Variants in MRPL48 observed in about 807,000 individuals in gnomAD.
MRPL48 encodes mitochondrial ribosomal protein L48.
In MRPL48, 16 loss-of-function variants were observed where a neutral mutation model predicts 32.9. That is an observed-to-expected ratio of 0.49 (90% CI 0.33 to 0.74). The LOEUF is 0.74. Ranked by LOEUF, MRPL48 falls within the 30% of genes least tolerant of loss-of-function variation. The probability of loss-of-function intolerance (pLI) is 0.02; values close to 1 mark genes in which losing one functional copy is unlikely to be tolerated. For missense variants in MRPL48, 206 were observed against 245.3 expected (o/e 0.84, Z 1.07); for synonymous variants, 94 against 89.2 (o/e 1.05, Z -0.31).
rs373805395 is a variant in MRPL48, at chr11:73,793,431, C to T, written c.21+5439C>T. Among the ~76,000 whole-genome samples the T allele has an allele frequency of 1.7e-4, 26 of 152,276 alleles. No individual in the cohort carries two copies. The South Asian group carries it at 4.6e-3, about 27-fold the overall frequency. On this transcript the variant is annotated intron_variant, in intron 1 of 7. Coordinates refer to ENST00000310614, the MANE Select transcript of MRPL48 (RefSeq NM_016055.6). ...ACTTAACTGACTATGATAAATGCTG[C>T]AAATGAAAGATTCAGGGTGCTATAT...
At chr11:73,852,393 CAAA>C (rs10554131) in intron 5 of MRPL48, among the ~76,000 whole-genome samples, 7,854 of 83,054 alleles carry the variant, frequency 0.095, 161 homozygotes, top group South Asian at 0.14. Flanking sequence ...AACTCTATAG[CAAA>C]AAAAAAAAAA....
intron 6 of MRPL48, among the ~76,000 whole-genome samples, chr11:73,862,867 T>A (rs1352905221): frequency 6.6e-6 from 1 of 151,806 alleles, no homozygotes; most frequent in Non-Finnish European, 1.5e-5. Context: ...TGCGGTGAGC[T>A]ATGATTGTTC....
At chr11:73,847,545 A>G (rs1948316753) in intron 5 of MRPL48, among the ~76,000 whole-genome samples, 1 of 151,404 alleles carries the variant, frequency 6.6e-6, no homozygotes, top group Admixed American at 6.6e-5. Context: ...GGTTCACGCC[A>G]TTCTCCTTCT....
At chr11:73,849,817 C>T (rs1948358075) in intron 5 of MRPL48, among the ~76,000 whole-genome samples, 1 of 152,106 alleles carries the variant, frequency 6.6e-6, no homozygotes, top group African/African-American at 2.4e-5. Context: ...GAAATCAAGG[C>T]TTGGGCACAG....
At chr11:73,826,839 C>T (rs1351091617) in intron 4 of MRPL48, among the ~76,000 whole-genome samples, 1 of 143,980 alleles carries the variant, frequency 6.9e-6, no homozygotes, top group Non-Finnish European at 1.5e-5. Flanking sequence ...GGCAATGGTG[C>T]GATCTCGGCT....
intron 3 of MRPL48, among the ~76,000 whole-genome samples, chr11:73,811,209 T>C (rs1208963395): frequency 6.6e-6 from 1 of 152,180 alleles, no homozygotes; most frequent in African/African-American, 2.4e-5. Flanking sequence ...AGGAAAAACA[T>C]GAACATGGTA....
intron 5 of MRPL48, among the ~76,000 whole-genome samples, chr11:73,856,564 C>T (rs1459761509): frequency 6.6e-6 from 1 of 152,174 alleles, no homozygotes; most frequent in East Asian, 1.9e-4. Flanking sequence ...GAGCAGCTTC[C>T]AAGCCTGAAG....
chr11:73,788,032 C>T (rs1318693911), intron 1 of MRPL48, 40 bp downstream of exon 1: 2 of 1,463,426 alleles, frequency 1.4e-6, no homozygotes, highest in Non-Finnish European at 9.4e-7. Context: ...GGGGAGATGG[C>T]GGACGGTGCA....
At chr11:73,818,452 C>G (rs1947714524) in intron 3 of MRPL48, among the ~76,000 whole-genome samples, 2 of 152,186 alleles carry the variant, frequency 1.3e-5, no homozygotes, top group South Asian at 4.1e-4. Context: ...ATTAGAACAA[C>G]TGAAAGAAAT....
intron 5 of MRPL48, among the ~76,000 whole-genome samples, chr11:73,852,393 CA>C (rs10554131): frequency 0.15 from 12,591 of 82,788 alleles, 441 homozygotes; most frequent in East Asian, 0.26. Context: ...AACTCTATAG[CA>C]AAAAAAAAAA....
rs112067744 is a variant in MRPL48 at position 73,823,774 on chromosome 11, C to T, written c.113-1934C>T. ...CTAGTCTCAAGCAATCCTCCTGCCT[C>T]AGCCTCCTGAGTAGCTGGGACTACA... On this transcript the variant is annotated intron_variant, in intron 3 of 7. Transcript: ENST00000310614. 3.8e-3 allele frequency among the ~76,000 whole-genome samples: 570 copies of T among 151,340 alleles called. 4 individuals carry two copies. The highest frequency in any genetic ancestry group is 0.013 in the African/African-American group (541 of 41,210).
At chr11:73,819,852 C>G (rs1325254278) in intron 3 of MRPL48, among the ~76,000 whole-genome samples, 2 of 152,024 alleles carry the variant, frequency 1.3e-5, no homozygotes, top group Admixed American at 1.3e-4. Flanking sequence ...TGACCAAGAT[C>G]ATGCCACTGC....
intron 2 of MRPL48, among the ~76,000 whole-genome samples, chr11:73,806,974 A>G (rs1947465322): frequency 1.3e-5 from 2 of 152,212 alleles, no homozygotes; most frequent in South Asian, 4.2e-4. Context: ...GGTTCAAGCA[A>G]TCCTCCTGCC....
chr11:73,863,872 GCTT>G (rs1386119894), intron 7 of MRPL48, among the ~76,000 whole-genome samples: 2 of 152,086 alleles, frequency 1.3e-5, no homozygotes, highest in African/African-American at 4.8e-5. Context: ...TCCTTGTCAA[GCTT>G]CTTCTGGTTG....
chr11:73,862,291 G>A (rs1444045868), intron 6 of MRPL48, among the ~76,000 whole-genome samples: 2 of 152,112 alleles, frequency 1.3e-5, no homozygotes, highest in East Asian at 1.9e-4. Context: ...GCGTGGTGGC[G>A]CATGCCTGTA....
intron 1 of MRPL48, among the ~76,000 whole-genome samples, chr11:73,793,225 C>T (rs974471219): frequency 6.6e-6 from 1 of 152,108 alleles, no homozygotes; most frequent in Non-Finnish European, 1.5e-5. Flanking sequence ...ACTACCATGC[C>T]CATCTAATTT....
chr11:73,850,833 C>T (rs993101012), intron 5 of MRPL48: 6 of 233,840 alleles, frequency 2.6e-5, no homozygotes, highest in African/African-American at 7.0e-5. Flanking sequence ...CCTGCCACAA[C>T]GCCTGGCTAA....
At chr11:73,820,131 T>C (rs1197986402) in intron 3 of MRPL48, among the ~76,000 whole-genome samples, 3 of 152,150 alleles carry the variant, frequency 2.0e-5, no homozygotes, top group Admixed American at 6.5e-5. Flanking sequence ...TAAAAATATA[T>C]ATCAGACATA....
intron 5 of MRPL48, among the ~76,000 whole-genome samples, chr11:73,854,053 A>G (rs1948447084): frequency 6.6e-6 from 1 of 152,170 alleles, no homozygotes; most frequent in African/African-American, 2.4e-5. Context: ...TGTTACTATC[A>G]TACCTACAGT....
Sources: gnomAD v4.1 joint callset for allele counts (sites outside exome capture counted in the v4.1 genomes callset) on GRCh38, gnomAD v4.1.1 for gene constraint, MANE v1.5 for transcripts, NCBI Gene and HGNC (gene_info 2026-07-23, HGNC 2026-07-21) for gene names.